NAIF1: variants seen among roughly 807,000 people sequenced by gnomAD.
NAIF1 encodes nuclear apoptosis-inducing factor 1.
In NAIF1, 14 loss-of-function variants were observed where a neutral mutation model predicts 20.7. The observed-to-expected ratio is 0.67, with a 90% CI of 0.45 to 1.05. NAIF1 has a LOEUF of 1.05. NAIF1 is among the 50% of genes least tolerant of loss of function. The pLI, the probability that NAIF1 is intolerant of heterozygous loss-of-function variation, is 0.00. For synonymous variants in NAIF1, 191 were observed against 191.4 expected (o/e 1.00, Z 0.02); for missense variants, 362 against 448.8 (o/e 0.81, Z 1.75).
intron 1 of NAIF1, among the ~76,000 whole-genome samples, 178 bp from the exon 2 acceptor site, chr9:128,064,078 ATTTTTTTTTTT>A (rs869101033): frequency 4.7e-5 from 5 of 105,322 alleles, no homozygotes; most frequent in Non-Finnish European, 3.5e-5. Flanking sequence ...GGGGTTCAGA[ATTTTTTTTTTT>A]TTTTTTTTTT....
rs148045414 is a variant in NAIF1, at chr9:128,066,994, G to A, written c.108C>T (p.Asn36=). The change falls in exon 1 of 2, where the codon AAC becomes AAT. Residue 36 remains asparagine, a synonymous_variant. Coordinates refer to ENST00000373078, the MANE Select transcript of NAIF1 (RefSeq NM_197956.4). The stretch of plus-strand genomic sequence containing the variant: ...TCTTGGCGGCCAGGGGTACCCCGGC[G>A]TTGAAGTGGTTCACCAGCAGGTGCT... ...LKKHLLVNHF[N]AGVPLAAKSA... 209 of 1,613,772 alleles carry A rather than the reference G, an allele frequency of 1.3e-4. No individual in the cohort carries two copies. The highest frequency in any genetic ancestry group is 3.3e-4 in the Middle Eastern group (2 of 6,062).
Position 128,063,919 on chromosome 9 carries a change from A to G in NAIF1, c.512-19T>C. On this transcript the variant is annotated intron_variant, in intron 1 of 1. Transcript: ENST00000373078. The surrounding 1 kb of genome is among the most constrained non-coding windows in gnomAD (Gnocchi z 4.3). ...GTGGGGACTGCACAGTAGAAAGAAC[A>G]GAGGCCAAGGGAGGTCACTTTCTGG... 6.3e-7 allele frequency: 1 copy of G among 1,594,276 alleles called. No individual in the cohort carries two copies. The highest frequency in any genetic ancestry group is 1.1e-5 in the South Asian group (1 of 90,900).
rs567954876 is a variant in NAIF1, at chr9:128,067,291, G to T, written c.-190C>A. ...AAGTGCGTAGGGCCCAGCCCCGACC[G>T]GCCCGGCCGCTGCCAGCCAGCAGCG... On this transcript the variant is annotated 5_prime_UTR_variant, in exon 1 of 2. Transcript: ENST00000373078. 3 of 579,490 alleles carry T rather than the reference G, an allele frequency of 5.2e-6. No individual in the cohort carries two copies. The highest frequency in any genetic ancestry group is 1.9e-5 in the African/African-American group (1 of 53,016). 35.9% of individuals were successfully genotyped at this position (579,490 alleles called of 1,614,324 possible).
At position 128,063,292 on chromosome 9, in the gene NAIF1, G is replaced by A; in HGVS notation, c.*136C>T. 1 of 780,368 alleles carries A rather than the reference G, an allele frequency of 1.3e-6. No individual in the cohort carries two copies. Among genetic ancestry groups the A allele is most frequent in the East Asian group, 2.6e-5 (1 of 38,400 alleles). The allele number at this position is 780,368 out of a possible 1,614,324, so 48.3% of individuals were successfully genotyped here. A position where few individuals can be genotyped will look rare whatever the true frequency, so the allele number is the denominator to read the frequency against. The stretch of plus-strand genomic sequence containing the variant: ...CAACAAATTCCTCTTCTCAAAAACA[G>A]TGCAACCCCTAAGCGTTTATTAAAG... On this transcript the variant is annotated 3_prime_UTR_variant, in exon 2 of 2. Coordinates refer to ENST00000373078, the MANE Select transcript of NAIF1 (RefSeq NM_197956.4). The surrounding 1 kb of genome is among the most constrained non-coding windows in gnomAD (Gnocchi z 4.3).
At position 128,067,299 on chromosome 9, in the gene NAIF1, C is replaced by CGCTGCCAGCCAGCAGCGTAATG; in HGVS notation, c.-199_-198insCATTACGCTGCTGGCTGGCAGC. The CGCTGCCAGCCAGCAGCGTAATG allele has an allele frequency of 1.8e-6, 1 of 546,652 alleles. No homozygotes were observed. The highest frequency in any genetic ancestry group is 3.1e-6 in the Non-Finnish European group (1 of 326,138). 33.9% of individuals were successfully genotyped at this position (546,652 alleles called of 1,614,324 possible). On this transcript the variant is annotated 5_prime_UTR_variant, in exon 1 of 2. Coordinates refer to ENST00000373078, the MANE Select transcript of NAIF1 (RefSeq NM_197956.4). The stretch of plus-strand genomic sequence containing the variant: ...AGGGCCCAGCCCCGACCGGCCCGGC[C>CGCTGCCAGCCAGCAGCGTAATG]GCTGCCAGCCAGCAGCGTAATGGCT...
Position 128,066,818 on chromosome 9 carries a change from G to T in NAIF1, c.284C>A (p.Ala95Glu). ...TCCGTCCTCCTCAGTGGGCCCCGGC[G>T]CCTCACCACCCTCCACGGCGGCCCG... is the stretch of plus-strand genomic sequence containing the variant. ...QVRAAVEGGE[A>E]PGPTEEDGAG... Residue 95 changes from alanine (A) to glutamate (E), a missense_variant, in exon 1 of 2, where the codon GCG becomes GAG. Ala to Glu is a moderately radical substitution (Grantham distance 107). Coordinates refer to ENST00000373078, the MANE Select transcript of NAIF1 (RefSeq NM_197956.4). 1 of 1,610,980 alleles carries T rather than the reference G, an allele frequency of 6.2e-7. No individual in the cohort carries two copies.
At position 128,063,486 on chromosome 9, in the gene NAIF1, G is replaced by A; in HGVS notation, c.926C>T (p.Pro309Leu). The change falls in exon 2 of 2, where the codon CCC (proline) becomes CTC (leucine). Residue 309 changes from proline to leucine, a missense_variant. Coordinates refer to ENST00000373078, the MANE Select transcript of NAIF1 (RefSeq NM_197956.4). This position sits in a 1 kb window ranked among gnomAD's most constrained non-coding sequence, Gnocchi z 4.3. ...GGCCACCTGCCCAGGGTCAGAGGCG[G>A]GGGCCGGGTTAGCTGTGTTGCTCTG... ...YLQSNTANPA[P>L]ASDPGQVAQN... 6.2e-7 allele frequency: 1 copy of A among 1,609,794 alleles called. No homozygotes were observed. The highest frequency in any genetic ancestry group is 8.5e-7 in the Non-Finnish European group (1 of 1,179,998).
Position 128,066,936 on chromosome 9 carries a change from T to G in NAIF1, c.166A>C (p.Asn56His). 1.2e-6 allele frequency: 2 copies of G among 1,612,862 alleles called. No homozygotes were observed. Among genetic ancestry groups the G allele is most frequent in the Non-Finnish European group, 1.7e-6 (2 of 1,179,986 alleles). ...AAWHGILRRV[N>H]AVATCRRELP... ...TCTCTGCGGCAGGTGGCCACGGCGTTGACCCTTCTCAGGATGCCGTGCCAG... is the reference window on the plus strand; with the variant it reads ...TCTCTGCGGCAGGTGGCCACGGCGTGGACCCTTCTCAGGATGCCGTGCCAG... Residue 56 changes from asparagine to histidine, a missense_variant, in exon 1 of 2, where the codon AAC becomes CAC. By Grantham distance (68) the Asn-to-His change is moderately conservative (BLOSUM62 1). Around this residue, in one of 3 missense-constraint regions of NAIF1, gnomAD observed 51 missense variants for 68.7 expected, o/e 0.74. Transcript: ENST00000373078.
In NAIF1 at chr9:128,061,933, G is replaced by A. The variant is rs1832722370; in HGVS notation, c.*1495C>T. On this transcript the variant is annotated 3_prime_UTR_variant, in exon 2 of 2. Transcript: ENST00000373078. ...AACAGCACCTCCTTCAGCACTCCAA[G>A]GCTCTGCCTGCTCTTCCCTGAGCAT... is the stretch of plus-strand genomic sequence containing the variant. 6.6e-6 allele frequency: 1 copy of A among 152,186 alleles called. No individual in the cohort carries two copies. Among genetic ancestry groups the A allele is most frequent in the Admixed American group, 6.6e-5 (1 of 15,256 alleles). The allele number at this position is 152,186 out of a possible 1,614,324, so 9.4% of individuals were successfully genotyped here.
rs1233145582 is a variant in NAIF1, at chr9:128,062,868, G to T, written c.*560C>A. 1 of 163,430 alleles carries T rather than the reference G, an allele frequency of 6.1e-6. No homozygotes were observed. Among genetic ancestry groups the T allele is most frequent in the Admixed American group, 5.5e-5 (1 of 18,080 alleles). The allele number at this position is 163,430 out of a possible 1,614,324, so 10.1% of individuals were successfully genotyped here. A position where few individuals can be genotyped will look rare whatever the true frequency, so the allele number is the denominator to read the frequency against. ...CTAACAAGGGCCTGCGCTGTGCCTG[G>T]GGTGGGGTCGGGGGAGAGCACAACA... is the stretch of plus-strand genomic sequence containing the variant. On this transcript the variant is annotated 3_prime_UTR_variant, in exon 2 of 2. Transcript: ENST00000373078.
In NAIF1 at chr9:128,066,640, G is replaced by T. The variant is rs767104001; in HGVS notation, c.462C>A (p.Ala154=). ...LPSTTEIHPV[A]LGPSATAAAA... ...CGGCTGCGGTGGCCGAGGGTCCGAGGGCCACAGGGTGGATCTCTGTGGTGC... is the reference window on the plus strand; with the variant it reads ...CGGCTGCGGTGGCCGAGGGTCCGAGTGCCACAGGGTGGATCTCTGTGGTGC... Residue 154 remains alanine (A), a synonymous_variant, in exon 1 of 2, where the codon GCC becomes GCA. Transcript: ENST00000373078. 9 of 1,549,128 alleles carry T rather than the reference G, an allele frequency of 5.8e-6. No homozygotes were observed. In the East Asian group the frequency reaches 2.0e-4, roughly 35 times the overall value.
rs199917715 is a variant in NAIF1 at position 128,067,014 on chromosome 9, G to C, written c.88C>G (p.Leu30Val). 2 of 1,613,840 alleles carry C rather than the reference G, an allele frequency of 1.2e-6. No homozygotes were observed. Among genetic ancestry groups the C allele is most frequent in the Non-Finnish European group, 1.7e-6 (2 of 1,180,018 alleles). ...IVEELELKKH[L>V]LVNHFNAGVP... ...CCGGCGTTGAAGTGGTTCACCAGCA[G>C]GTGCTTCTTCAGCTCCAGCTCCTCC... Residue 30 changes from leucine to valine, a missense_variant, in exon 1 of 2, where the codon CTG becomes GTG. Leu to Val is a conservative substitution (Grantham distance 32). Coordinates refer to ENST00000373078, the MANE Select transcript of NAIF1 (RefSeq NM_197956.4).
intron 1 of NAIF1, among the ~76,000 whole-genome samples, chr9:128,064,500 C>T (rs757128056): frequency 1.3e-5 from 2 of 152,218 alleles, no homozygotes; most frequent in East Asian, 3.8e-4. Context: ...GCACTTTGTA[C>T]TCATTAGCTC....
chr9:128,065,110 C>CTT (rs531413208), intron 1 of NAIF1, among the ~76,000 whole-genome samples: 1,674 of 130,342 alleles, frequency 0.013, 41 homozygotes, highest in African/African-American at 0.039. Context: ...ATGCTTTCTG[C>CTT]TTTTTTTTTT....
chr9:128,063,378 C>A lies in NAIF1; in HGVS notation c.*50G>T. ...CCAATCACAGGACCCACTTACAAGT[C>A]CATGGAGTTTTCATCCCATCATGGC... On this transcript the variant is annotated 3_prime_UTR_variant, in exon 2 of 2. Transcript: ENST00000373078. This position sits in a 1 kb window ranked among gnomAD's most constrained non-coding sequence, Gnocchi z 4.3. 6.5e-7 allele frequency: 1 copy of A among 1,534,582 alleles called. No homozygotes were observed. Among genetic ancestry groups the A allele is most frequent in the South Asian group, 1.2e-5 (1 of 85,972 alleles).
rs189972705 is a variant in NAIF1 at position 128,061,512 on chromosome 9, G to A, written c.*1916C>T. On this transcript the variant is annotated 3_prime_UTR_variant, in exon 2 of 2. Transcript: ENST00000373078. ...CTTTCCTTCTACCAGCAACTCCCTC[G>A]CTGGGTCCGATATCCCCCTTCACCT... The A allele has an allele frequency of 3.0e-4, 45 of 152,386 alleles. No homozygotes were observed. The highest frequency in any genetic ancestry group is 5.6e-4 in the Non-Finnish European group (38 of 68,118). The allele number at this position is 152,386 out of a possible 1,614,324, so 9.4% of individuals were successfully genotyped here.
intron 1 of NAIF1, among the ~76,000 whole-genome samples, chr9:128,065,434 T>C (rs906721507): frequency 6.6e-6 from 1 of 152,152 alleles, no homozygotes; most frequent in Non-Finnish European, 1.5e-5. Context: ...CTTTCTTGAC[T>C]TGACTTCCTA....
At position 128,067,185 on chromosome 9, in the gene NAIF1, C is replaced by T. The variant is rs1011237545; in HGVS notation, c.-84G>A. 26 of 1,481,960 alleles carry T rather than the reference C, an allele frequency of 1.8e-5. No individual in the cohort carries two copies. Among genetic ancestry groups the T allele is most frequent in the South Asian group, 1.7e-4 (13 of 76,406 alleles). 91.8% of individuals were successfully genotyped at this position (1,481,960 alleles called of 1,614,324 possible). ...CCTTCTCTTCTTCCTCAGCCTCGCC[C>T]CTCACCCACCCCCTACAGGGGATAG... On this transcript the variant is annotated 5_prime_UTR_variant, in exon 1 of 2. Coordinates refer to ENST00000373078, the MANE Select transcript of NAIF1 (RefSeq NM_197956.4).
chr9:128,065,101 T>A (rs1832763022), intron 1 of NAIF1, among the ~76,000 whole-genome samples: 1 of 140,326 alleles, frequency 7.1e-6, no homozygotes, highest in African/African-American at 2.6e-5. Context: ...CCTCCTTTGA[T>A]GCTTTCTGCT....
Sources: allele counts gnomAD v4.1 joint callset (sites outside exome capture counted in the v4.1 genomes callset), GRCh38; gene constraint gnomAD v4.1.1; regional missense constraint gnomAD v4.1.1; non-coding constraint Gnocchi (gnomAD v3.1); transcripts MANE v1.5; gene names NCBI Gene and HGNC (gene_info 2026-07-23, HGNC 2026-07-21).